HECW2: variants seen among roughly 807,000 people sequenced by gnomAD.
HECW2 encodes HECT, C2 and WW domain containing E3 ubiquitin protein ligase 2.
HECW2 carries 61 observed loss-of-function variants against 175.2 expected under a neutral mutation model. That is an observed-to-expected ratio of 0.35 (90% CI 0.28 to 0.43). The LOEUF (loss-of-function observed/expected upper bound fraction) is 0.43, where lower values mean the gene tolerates loss of function less well. HECW2 is among the 20% of genes least tolerant of loss of function. HECW2 has a pLI of 1.00. For synonymous variants in HECW2, 671 were observed against 731.0 expected (o/e 0.92, Z 1.32); for missense variants, 1,524 against 2,000.5 (o/e 0.76, Z 4.54).
chr2:196,314,754 AGT>A (rs768330320), intron 10 of HECW2, among the ~76,000 whole-genome samples: 2 of 152,260 alleles, frequency 1.3e-5, no homozygotes, highest in Non-Finnish European at 2.9e-5. Flanking sequence ...AATAACTAAC[AGT>A]GTTAAAAATC....
chr2:196,373,021 C>T lies in HECW2; in HGVS notation c.293-29257G>A, dbSNP rs1326630659. 5.3e-5 allele frequency among the ~76,000 whole-genome samples: 8 copies of T among 152,202 alleles called. No homozygotes were observed. The East Asian group carries it at 5.8e-4, about 11-fold the overall frequency. The stretch of plus-strand genomic sequence containing the variant: ...GAAGCTACATAAAGTCAGCAGCACA[C>T]GACCTGGTGCAGAGTCCACGCTTGC... On this transcript the variant is annotated intron_variant, in intron 2 of 28. Transcript: ENST00000644978.
chr2:196,279,006 A>T (rs1323820425), intron 14 of HECW2, among the ~76,000 whole-genome samples: 1 of 152,172 alleles, frequency 6.6e-6, no homozygotes, highest in African/African-American at 2.4e-5. Flanking sequence ...TCTTACTGTC[A>T]TATGTGGTTA....
chr2:196,586,979 CA>C (rs1291450754), intron 1 of HECW2, among the ~76,000 whole-genome samples: 2 of 152,124 alleles, frequency 1.3e-5, no homozygotes, highest in Admixed American at 6.5e-5. Context: ...TGTTATTTGA[CA>C]AAGGAGTTTT....
At chr2:196,207,862 T>C (rs186390208) in intron 28 of HECW2, among the ~76,000 whole-genome samples, 2 of 152,350 alleles carry the variant, frequency 1.3e-5, no homozygotes, top group South Asian at 4.1e-4. Flanking sequence ...AATATTCCCA[T>C]AGGGGGGAAT....
intron 7 of HECW2, 137 bp from the exon 8 acceptor site, chr2:196,320,576 C>T: frequency 1.8e-6 from 1 of 548,360 alleles, no homozygotes; most frequent in South Asian, 2.8e-5. Context: ...GGCTCAAAGC[C>T]CATTATAGTC....
At chr2:196,355,632 A>G (rs559868799) in intron 2 of HECW2, among the ~76,000 whole-genome samples, 5 of 152,322 alleles carry the variant, frequency 3.3e-5, no homozygotes, top group African/African-American at 1.2e-4. Flanking sequence ...TATAGAAGGG[A>G]TAGAGAAAAT....
At chr2:196,505,504 C>T (rs10191177) in intron 1 of HECW2, among the ~76,000 whole-genome samples, 8,195 of 151,904 alleles carry the variant, frequency 0.054, 755 homozygotes, top group African/African-American at 0.19. Flanking sequence ...TGTGCCACTG[C>T]ACTCCAGCTT....
At chr2:196,411,594 T>C (rs573787313) in intron 2 of HECW2, among the ~76,000 whole-genome samples, 80 of 152,330 alleles carry the variant, frequency 5.3e-4, no homozygotes, top group African/African-American at 1.8e-3. Flanking sequence ...GCTCAGGAGA[T>C]AGCAGTACTG....
intron 1 of HECW2, among the ~76,000 whole-genome samples, chr2:196,510,964 GTTGT>G (rs149253270): frequency 0.13 from 19,997 of 151,944 alleles, 2,171 homozygotes; most frequent in African/African-American, 0.3. Flanking sequence ...TGGGTTTGCT[GTTGT>G]TTGTTTGTTT....
At chr2:196,398,553 C>A (rs1485409452) in intron 2 of HECW2, among the ~76,000 whole-genome samples, 11 of 152,110 alleles carry the variant, frequency 7.2e-5, no homozygotes, top group Admixed American at 3.9e-4. Context: ...AATCAAATCC[C>A]ACCCATTCTC....
At chr2:196,401,181 ACTAT>A (rs1694807711) in intron 2 of HECW2, among the ~76,000 whole-genome samples, 1 of 152,174 alleles carries the variant, frequency 6.6e-6, no homozygotes, top group Non-Finnish European at 1.5e-5. Flanking sequence ...TTACTGCAGC[ACTAT>A]TTGTAATATC....
chr2:196,203,163 A>G (rs1172505794), intron 28 of HECW2, among the ~76,000 whole-genome samples: 2 of 152,088 alleles, frequency 1.3e-5, no homozygotes, highest in African/African-American at 4.8e-5. Flanking sequence ...GGGTATAGAG[A>G]TAGTACCGAC....
intron 2 of HECW2, among the ~76,000 whole-genome samples, chr2:196,367,281 A>G (rs1051315382): frequency 6.6e-6 from 1 of 152,230 alleles, no homozygotes; most frequent in African/African-American, 2.4e-5. Context: ...GACTCCATAG[A>G]GCAAATTACA....
intron 14 of HECW2, among the ~76,000 whole-genome samples, chr2:196,287,122 A>C (rs893598267): frequency 1.3e-5 from 2 of 152,214 alleles, no homozygotes; most frequent in African/African-American, 2.4e-5. Context: ...CTGTCCTCAT[A>C]ACCATAACTG....
rs776042567 is a variant in HECW2 at position 196,320,438 on chromosome 2, C to G, written c.886G>C (p.Asp296His). ...QRLLERQAIG[D>H]QMLSYNLGRR... ...CCAAGGTTGTAGCTGAGCATTTGAT[C>G]ACTGCAAGAAGAGAAATGCTTCTTT... The change falls in exon 8 of 29, where the codon GAT (aspartate) becomes CAT (histidine). Residue 296 changes from aspartate to histidine, a missense_variant and splice_region_variant. Coordinates refer to ENST00000644978, the MANE Select transcript of HECW2 (RefSeq NM_001348768.2). 1.2e-6 allele frequency: 2 copies of G among 1,605,380 alleles called. No homozygotes were observed. The highest frequency in any genetic ancestry group is 3.3e-5 in the Admixed American group (2 of 59,904).
intron 14 of HECW2, chr2:196,291,542 A>T (rs1690603980): frequency 6.6e-6 from 1 of 152,214 alleles, no homozygotes; most frequent in Admixed American, 6.5e-5. Context: ...AAATACTTTA[A>T]ATATGTCATT....
intron 13 of HECW2, among the ~76,000 whole-genome samples, chr2:196,305,053 G>A (rs1691207967): frequency 6.6e-6 from 1 of 152,088 alleles, no homozygotes; most frequent in East Asian, 1.9e-4. Flanking sequence ...CCTTCCATGT[G>A]CCTTCCCTTT....
At chr2:196,374,989 C>T (rs866324439) in intron 2 of HECW2, among the ~76,000 whole-genome samples, 5 of 151,736 alleles carry the variant, frequency 3.3e-5, no homozygotes, top group Admixed American at 1.3e-4. Flanking sequence ...GGTGAAACCC[C>T]GTCTCTACTA....
intron 1 of HECW2, among the ~76,000 whole-genome samples, chr2:196,505,488 C>A (rs1036477407): frequency 7.9e-5 from 12 of 151,776 alleles, no homozygotes; most frequent in Admixed American, 2.6e-4. Flanking sequence ...TGCAGTGAAC[C>A]AAGATTGTGC....
Sources: allele counts gnomAD v4.1 joint callset (sites outside exome capture counted in the v4.1 genomes callset), GRCh38; gene constraint gnomAD v4.1.1; transcripts MANE v1.5; gene names NCBI Gene and HGNC (gene_info 2026-07-23, HGNC 2026-07-21).